TBCEL: variants seen among roughly 807,000 people sequenced by gnomAD.
The protein encoded by TBCEL is tubulin folding cofactor E like, also known as tubulin-specific chaperone cofactor E-like protein.
In TBCEL, 15 loss-of-function variants were observed where a neutral mutation model predicts 44.2. That is an observed-to-expected ratio of 0.34 (90% CI 0.23 to 0.52). TBCEL has a LOEUF of 0.52. Among genes scored for constraint, TBCEL ranks in the 20% least tolerant of loss-of-function variants. TBCEL has a pLI of 0.95. For missense variants in TBCEL, 319 were observed against 506.3 expected (o/e 0.63, Z 3.55); for synonymous variants, 171 against 185.4 (o/e 0.92, Z 0.63).
chr11:121,062,158 T>C (rs1945736543), intron 8 of TBCEL, among the ~76,000 whole-genome samples: 3 of 152,026 alleles, frequency 2.0e-5, no homozygotes, highest in Admixed American at 2.0e-4. Context: ...TCAATATCAC[T>C]ATCTTCCACC....
intron 8 of TBCEL, among the ~76,000 whole-genome samples, chr11:121,065,449 T>C (rs1019033406): frequency 2.0e-5 from 3 of 152,210 alleles, no homozygotes; most frequent in Non-Finnish European, 4.4e-5. Context: ...ATTCTCCTTC[T>C]TTCTGTTTTC....
intron 1 of TBCEL, among the ~76,000 whole-genome samples, chr11:121,027,103 G>C (rs916956858): frequency 6.6e-6 from 1 of 152,060 alleles, no homozygotes; most frequent in Non-Finnish European, 1.5e-5. Context: ...TGGCTACTTA[G>C]AGACCAGTTT....
At chr11:121,086,671 T>C (rs544011606) in intron 8 of TBCEL, 107 bp from the exon 9 acceptor site, 2 of 845,338 alleles carry the variant, frequency 2.4e-6, no homozygotes, top group East Asian at 5.3e-5. Flanking sequence ...GAATAAGATT[T>C]TTTAAAGATG....
chr11:121,085,772 C>T (rs1170805906), intron 8 of TBCEL, among the ~76,000 whole-genome samples: 1 of 152,114 alleles, frequency 6.6e-6, no homozygotes, highest in Non-Finnish European at 1.5e-5. Context: ...TCCCAAGGTG[C>T]TAGGATTCTA....
At chr11:121,048,544 C>T (rs1945473805) in intron 4 of TBCEL, among the ~76,000 whole-genome samples, 1 of 151,882 alleles carries the variant, frequency 6.6e-6, no homozygotes. Flanking sequence ...TTTGATTTGA[C>T]TTTAGGAAGA....
intron 6 of TBCEL, chr11:121,057,657 C>A: frequency 2.2e-6 from 1 of 452,360 alleles, no homozygotes; most frequent in Non-Finnish European, 4.4e-6. Context: ...TTTTTCTTGT[C>A]ATTATTCCCT....
intron 1 of TBCEL, among the ~76,000 whole-genome samples, chr11:121,024,590 G>A (rs903340036): frequency 6.6e-6 from 1 of 152,238 alleles, no homozygotes; most frequent in East Asian, 1.9e-4. Flanking sequence ...GTGTTGGGGA[G>A]CCTGCCCGGG....
chr11:121,026,552 C>T (rs1945049853), intron 1 of TBCEL, among the ~76,000 whole-genome samples: 1 of 152,136 alleles, frequency 6.6e-6, no homozygotes, highest in South Asian at 2.1e-4. Context: ...GTCATCAGGA[C>T]AGAAGTACCC....
intron 1 of TBCEL, among the ~76,000 whole-genome samples, chr11:121,025,434 A>G (rs529194539): frequency 2.5e-4 from 38 of 152,330 alleles, no homozygotes; most frequent in African/African-American, 8.7e-4. Flanking sequence ...CCCCACAGTA[A>G]TAAGTATGTC....
At chr11:121,058,133 G>A (rs1057056571) in intron 6 of TBCEL, among the ~76,000 whole-genome samples, 20 of 151,950 alleles carry the variant, frequency 1.3e-4, no homozygotes, top group Non-Finnish European at 2.2e-4. Flanking sequence ...CTCTTAACCC[G>A]TGGATCACAG....
chr11:121,059,866 C>A, intron 7 of TBCEL, 103 bp from the exon 8 acceptor site: 1 of 780,066 alleles, frequency 1.3e-6, no homozygotes, highest in Non-Finnish European at 2.1e-6. Flanking sequence ...TCAAATGTGT[C>A]CTTTCAAGAA....
intron 8 of TBCEL, among the ~76,000 whole-genome samples, chr11:121,079,094 C>G (rs1344049022): frequency 1.3e-5 from 2 of 152,052 alleles, no homozygotes; most frequent in Admixed American, 1.3e-4. Context: ...TGTTGAAAAA[C>G]TAAATGGAAA....
rs375282149 is a variant in TBCEL, at chr11:121,086,951, A to G, written c.1130A>G (p.Gln377Arg). 1.2e-4 allele frequency: 189 copies of G among 1,614,002 alleles called. No individual in the cohort carries two copies. Among genetic ancestry groups the G allele is most frequent in the Middle Eastern group, 1.6e-4 (1 of 6,084 alleles). The change falls in exon 9 of 9, where the codon CAA becomes CGA. Residue 377 changes from glutamine (Q) to arginine (R), a missense_variant. Gln to Arg is a conservative substitution (Grantham distance 43, BLOSUM62 1). Transcript: ENST00000683345. ...AAGAAACAGTTAAAAACTCTAGTAC[A>G]ATTACCCACAAGCAACATGCTTCTC... ...ELKKQLKTLV[Q>R]LPTSNMLLYY...
At chr11:121,068,553 T>C (rs979040343) in intron 8 of TBCEL, among the ~76,000 whole-genome samples, 3 of 152,064 alleles carry the variant, frequency 2.0e-5, no homozygotes, top group African/African-American at 2.4e-5. Flanking sequence ...GTGCATCTCA[T>C]AGCAGCCTGT....
intron 2 of TBCEL, among the ~76,000 whole-genome samples, chr11:121,041,969 T>C (rs11604663): frequency 0.024 from 3,670 of 152,010 alleles, 116 homozygotes; most frequent in African/African-American, 0.069. Flanking sequence ...GTTCTTACAG[T>C]ATGGGACCAT....
intron 1 of TBCEL, among the ~76,000 whole-genome samples, chr11:121,025,474 A>G (rs938887758): frequency 1.3e-5 from 2 of 152,156 alleles, no homozygotes; most frequent in African/African-American, 2.4e-5. Context: ...ATACGTAGGT[A>G]TGAAGGGAAA....
chr11:121,055,177 A>C lies in TBCEL; in HGVS notation c.581A>C (p.Lys194Thr), dbSNP rs757326682. The C allele has an allele frequency of 6.2e-7, 1 of 1,612,410 alleles. No homozygotes were observed. Among genetic ancestry groups the C allele is most frequent in the Non-Finnish European group, 8.5e-7 (1 of 1,179,038 alleles). Residue 194 changes from lysine (K) to threonine (T), a missense_variant, in exon 6 of 9, where the codon AAG becomes ACG. Coordinates refer to ENST00000683345, the MANE Select transcript of TBCEL (RefSeq NM_001363644.2). ...CTCCAAGACTGGACTGAAATACGAA[A>C]GTTAGGAGTTATGTTTCCTTCACTG... ...NNLQDWTEIR[K>T]LGVMFPSLDT...
intron 6 of TBCEL, chr11:121,057,673 A>G (rs759294364): frequency 2.2e-6 from 1 of 449,078 alleles, no homozygotes; most frequent in Non-Finnish European, 4.4e-6. Flanking sequence ...TCCCTAAACA[A>G]TACAGTATCA....
At chr11:121,046,577 T>A (rs1197437816) in intron 3 of TBCEL, among the ~76,000 whole-genome samples, 2 of 152,100 alleles carry the variant, frequency 1.3e-5, no homozygotes, top group Non-Finnish European at 2.9e-5. Context: ...AGTGGATTTC[T>A]TACTTGGTAA....
Sources: gnomAD v4.1 joint callset for allele counts (sites outside exome capture counted in the v4.1 genomes callset) on GRCh38, gnomAD v4.1.1 for gene constraint, MANE v1.5 for transcripts, NCBI Gene and HGNC (gene_info 2026-07-23, HGNC 2026-07-21) for gene names.